The following VAV2 variants were observed in gnomAD, a reference collection of about 807,000 sequenced individuals.
VAV2 encodes guanine nucleotide exchange factor VAV2.
A neutral mutation model predicts 132.5 loss-of-function variants in VAV2; 67 were observed. That is an observed-to-expected ratio of 0.51 (90% CI 0.42 to 0.62). The LOEUF (loss-of-function observed/expected upper bound fraction) is 0.62, where lower values mean the gene tolerates loss of function less well. Ranked by LOEUF, VAV2 falls within the 20% of genes least tolerant of loss-of-function variation. The pLI is 0.00. For synonymous variants in VAV2, 492 were observed against 443.5 expected (o/e 1.11, Z -1.37); for missense variants, 938 against 1,153.6 (o/e 0.81, Z 2.71).
intron 2 of VAV2, among the ~76,000 whole-genome samples, chr9:133,876,672 G>A (rs946403116): frequency 6.6e-6 from 1 of 152,162 alleles, no homozygotes; most frequent in African/African-American, 2.4e-5. Context: ...AGGCAGGACC[G>A]CGGGAGGGGG....
chr9:133,956,133 CTGAA>C (rs749717290), intron 1 of VAV2, among the ~76,000 whole-genome samples: 1 of 152,086 alleles, frequency 6.6e-6, no homozygotes, highest in African/African-American at 2.4e-5. Flanking sequence ...CCCAGTGGCT[CTGAA>C]TGAATTCCCT....
chr9:133,861,054 G>C (rs1275998974), intron 3 of VAV2, among the ~76,000 whole-genome samples: 1 of 152,208 alleles, frequency 6.6e-6, no homozygotes. Context: ...ACAGCCCCCG[G>C]TTCTGATGTG....
chr9:133,839,750 A>G (rs1012707272), intron 3 of VAV2, among the ~76,000 whole-genome samples: 2 of 152,200 alleles, frequency 1.3e-5, no homozygotes, highest in East Asian at 3.8e-4. Context: ...TGCCCAGCCT[A>G]CACGAGGAGG....
chr9:133,878,355 A>G (rs1295042472), intron 2 of VAV2, among the ~76,000 whole-genome samples: 1 of 152,216 alleles, frequency 6.6e-6, no homozygotes, highest in African/African-American at 2.4e-5. Context: ...GTGTTTCTGA[A>G]AGGATCTGAC....
At chr9:133,979,612 G>A (rs1241253288) in intron 1 of VAV2, among the ~76,000 whole-genome samples, 1 of 152,212 alleles carries the variant, frequency 6.6e-6, no homozygotes, top group Non-Finnish European at 1.5e-5. Context: ...CCGCCGGCAG[G>A]ACAGGCAGCC....
chr9:133,783,876 CGTTTTTTTTTTT>C (rs1834111738), intron 18 of VAV2, among the ~76,000 whole-genome samples: 1 of 124,974 alleles, frequency 8.0e-6, no homozygotes, highest in Admixed American at 8.6e-5. Context: ...TTGGCTGGGC[CGTTTTTTTTTTT>C]TTTTTTTTTG....
chr9:133,914,805 A>AGGAGCAGGGG (rs1161245692), intron 2 of VAV2, among the ~76,000 whole-genome samples: 5 of 676 alleles, frequency 7.4e-3, no homozygotes, highest in African/African-American at 0.027. Flanking sequence ...GGAGAGGGGA[A>AGGAGCAGGGG]GGGAGAAGGG....
At position 133,788,538 on chromosome 9, in the gene VAV2, C is replaced by T. The variant is rs1311488165; in HGVS notation, c.1275-52G>A. 1 of 1,574,996 alleles carries T rather than the reference C, an allele frequency of 6.3e-7. No individual in the cohort carries two copies. The highest frequency in any genetic ancestry group is 8.7e-7 in the Non-Finnish European group (1 of 1,150,656). ...CAGCACCCCAGCACTGTGTGCTCTG[C>T]TCCGAGGAGGCGGCAGGAGCTGAGC... is the stretch of plus-strand genomic sequence containing the variant. On this transcript the variant is annotated intron_variant, in intron 14 of 29. Coordinates refer to ENST00000371850, the MANE Select transcript of VAV2 (RefSeq NM_001134398.2). This position sits in a 1 kb window ranked among gnomAD's most constrained non-coding sequence, Gnocchi z 5.3.
Position 133,801,468 on chromosome 9 carries a change from G to A in VAV2, c.837-3659C>T, listed in dbSNP as rs187607442. The stretch of plus-strand genomic sequence containing the variant: ...CTCAGGGCCCCAGGGTGACGCCTCT[G>A]CAGAGGGACACTCTCTCTCCGTGGA... On this transcript the variant is annotated intron_variant, in intron 9 of 29. Transcript: ENST00000371850. Among the ~76,000 whole-genome samples the A allele has an allele frequency of 2.0e-3, 306 of 152,332 alleles. 1 individual carries two copies. Among genetic ancestry groups the A allele is most frequent in the African/African-American group, 6.3e-3 (261 of 41,568 alleles).
intron 16 of VAV2, 49 bp from the exon 17 acceptor site, chr9:133,785,934 T>A (rs776047436): frequency 9.9e-6 from 15 of 1,519,082 alleles, no homozygotes; most frequent in Non-Finnish European, 1.4e-5. Flanking sequence ...GCTTCAGACA[T>A]CCTGGCACAT....
At chr9:133,780,940 G>A (rs924476551) in intron 19 of VAV2, among the ~76,000 whole-genome samples, 4 of 152,214 alleles carry the variant, frequency 2.6e-5, no homozygotes, top group African/African-American at 9.6e-5. Context: ...GGCTTTAGGG[G>A]GCCCATGGGA....
intron 7 of VAV2, 68 bp from the exon 8 acceptor site, chr9:133,807,394 AG>A: frequency 1.3e-6 from 2 of 1,502,118 alleles, no homozygotes; most frequent in Non-Finnish European, 9.0e-7. Flanking sequence ...CACAGCTGCC[AG>A]GGGAGGGTCC....
At chr9:133,988,877 C>T (rs1026401773) in intron 1 of VAV2, among the ~76,000 whole-genome samples, 10 of 151,918 alleles carry the variant, frequency 6.6e-5, no homozygotes, top group Non-Finnish European at 5.9e-5. Flanking sequence ...ATCAGCCTGG[C>T]CAACATAGTG....
intron 4 of VAV2, among the ~76,000 whole-genome samples, chr9:133,829,207 G>A (rs554530908): frequency 6.6e-6 from 1 of 152,330 alleles, no homozygotes; most frequent in African/African-American, 2.4e-5. Context: ...TTTAAAAACA[G>A]GCCCTCCATT....
intron 2 of VAV2, among the ~76,000 whole-genome samples, chr9:133,873,805 C>T (rs1838155714): frequency 6.6e-6 from 1 of 152,200 alleles, no homozygotes; most frequent in South Asian, 2.1e-4. Context: ...AGATGGGAAA[C>T]CTAAAACCCA....
At chr9:133,906,469 A>C (rs1839657107) in intron 2 of VAV2, among the ~76,000 whole-genome samples, 1 of 152,204 alleles carries the variant, frequency 6.6e-6, no homozygotes, top group Non-Finnish European at 1.5e-5. Flanking sequence ...AGACTGCACC[A>C]AGCAGGAAGG....
At chr9:133,987,724 G>T (rs1274518502) in intron 1 of VAV2, among the ~76,000 whole-genome samples, 1 of 152,206 alleles carries the variant, frequency 6.6e-6, no homozygotes, top group Non-Finnish European at 1.5e-5. Flanking sequence ...TGCTGATGCT[G>T]GCACAGGCAA....
intron 2 of VAV2, among the ~76,000 whole-genome samples, chr9:133,936,133 C>T (rs1037611509): frequency 1.3e-5 from 2 of 151,952 alleles, no homozygotes; most frequent in African/African-American, 2.4e-5. Flanking sequence ...GTCACTTGGG[C>T]GAGGCCGCAC....
rs1436731913 is a variant in VAV2, at chr9:133,992,249, C to G, written c.30G>C (p.Trp10Cys). ...GCGGCAGGACCTTGCAATCGATGAGCCAGCGGCCGCACTGCCGCCACTGCT... is the reference window on the plus strand; with the variant it reads ...GCGGCAGGACCTTGCAATCGATGAGGCAGCGGCCGCACTGCCGCCACTGCT... MEQWRQCGR[W>C]LIDCKVLPPN... The change falls in exon 1 of 30, where the codon TGG (tryptophan) becomes TGC (cysteine). Residue 10 changes from tryptophan (W) to cysteine (C), a missense_variant. By Grantham distance (215) the Trp-to-Cys change is radical. Coordinates refer to ENST00000371850, the MANE Select transcript of VAV2 (RefSeq NM_001134398.2). This position sits in a 1 kb window ranked among gnomAD's most constrained non-coding sequence, Gnocchi z 5.5. 4 of 1,575,878 alleles carry G rather than the reference C, an allele frequency of 2.5e-6. No individual in the cohort carries two copies. The highest frequency in any genetic ancestry group is 3.4e-6 in the Non-Finnish European group (4 of 1,162,016).
Sources: allele counts gnomAD v4.1 joint callset (sites outside exome capture counted in the v4.1 genomes callset), GRCh38; gene constraint gnomAD v4.1.1; non-coding constraint Gnocchi (gnomAD v3.1); transcripts MANE v1.5; gene names NCBI Gene and HGNC (gene_info 2026-07-23, HGNC 2026-07-21).